The following TBC1D31 variants were observed in gnomAD, a reference collection of about 807,000 sequenced individuals.
The protein encoded by TBC1D31 is WD repeat domain 67.
A neutral mutation model predicts 132.9 loss-of-function variants in TBC1D31; 99 were observed. That is an observed-to-expected ratio of 0.74 (90% confidence interval 0.63 to 0.88). TBC1D31 has a LOEUF of 0.88. TBC1D31 is among the 40% of genes least tolerant of loss of function. The pLI, the probability that TBC1D31 is intolerant of heterozygous loss-of-function variation, is 0.00. For synonymous variants in TBC1D31, 385 were observed against 419.4 expected (o/e 0.92, Z 1.00); for missense variants, 1,134 against 1,256.6 (o/e 0.90, Z 1.48).
In TBC1D31 at chr8:123,144,834, G is replaced by T. The variant is rs111783539; in HGVS notation, c.2953G>T (p.Ala985Ser). The T allele has an allele frequency of 7.4e-4, 1,187 of 1,612,462 alleles. No individual in the cohort carries two copies. The highest frequency in any genetic ancestry group is 9.6e-4 in the Non-Finnish European group (1,127 of 1,179,646). The change falls in exon 20 of 22, where the codon GCT becomes TCT. Residue 985 changes from alanine to serine, a missense_variant. Coordinates refer to ENST00000287380, the MANE Select transcript of TBC1D31 (RefSeq NM_145647.4). The part of the protein sequence containing the change: ...KQEINAAVEH[A>S]ENPCHKEEPR... ...AGAGATAAATGCGGCTGTAGAACAT[G>T]CTGAAAATCCATGTCATAAAGGTGA...
At chr8:123,104,624 A>T (rs1020553457) in intron 7 of TBC1D31, among the ~76,000 whole-genome samples, 6 of 152,182 alleles carry the variant, frequency 3.9e-5, no homozygotes, top group Non-Finnish European at 8.8e-5. Context: ...AATATTGTTT[A>T]TGGAGAAAAT....
downstream of TBC1D31, chr8:123,152,186 C>G: frequency 3.0e-6 from 1 of 328,384 alleles, no homozygotes; most frequent in Non-Finnish European, 5.4e-6. Flanking sequence ...CAGGGACCAG[C>G]ATAAACCTCA....
At chr8:123,081,692 AG>A (rs372372220) in intron 2 of TBC1D31, among the ~76,000 whole-genome samples, 1 of 152,210 alleles carries the variant, frequency 6.6e-6, no homozygotes, top group African/African-American at 2.4e-5. Flanking sequence ...GTAGCTGGGG[AG>A]GCCTCACAAT....
chr8:123,076,051 G>T (rs1814479651), intron 1 of TBC1D31, among the ~76,000 whole-genome samples: 1 of 152,184 alleles, frequency 6.6e-6, no homozygotes, highest in African/African-American at 2.4e-5. Flanking sequence ...ATTACCTGCA[G>T]ACAGCTGCTG....
At chr8:123,083,187 C>T in intron 3 of TBC1D31, 1 of 162,324 alleles carries the variant, frequency 6.2e-6, no homozygotes, top group Non-Finnish European at 1.3e-5. Context: ...CTCAGGGATG[C>T]ATTGCCCTCT....
intron 4 of TBC1D31, 76 bp downstream of exon 4, chr8:123,084,416 T>C (rs1815503044): frequency 1.5e-6 from 2 of 1,362,436 alleles, no homozygotes. Context: ...ATAGATGATA[T>C]AAGAGTAATG....
In TBC1D31 at chr8:123,140,748, A is replaced by T. The variant is rs745824551; in HGVS notation, c.2500-13A>T. On this transcript the variant is annotated splice_polypyrimidine_tract_variant and intron_variant, in intron 17 of 21. Transcript: ENST00000287380. ...ATAAATTAGTGATTTTTTTTTACAA[A>T]TGATTTTAACAGAATCTTACTGAAA... 1.3e-6 allele frequency: 2 copies of T among 1,582,740 alleles called. No homozygotes were observed. Among genetic ancestry groups the T allele is most frequent in the East Asian group, 4.5e-5 (2 of 44,688 alleles).
intron 1 of TBC1D31, chr8:123,074,940 C>G (rs1231444023): frequency 6.6e-6 from 1 of 152,164 alleles, no homozygotes; most frequent in Non-Finnish European, 1.5e-5. Context: ...CTGTGAGAAT[C>G]TGAAAGGAAG....
chr8:123,087,911 G>C (rs576613546), intron 4 of TBC1D31, among the ~76,000 whole-genome samples: 1 of 152,206 alleles, frequency 6.6e-6, no homozygotes, highest in Non-Finnish European at 1.5e-5. Context: ...GACCGGGTAC[G>C]GGGGCTTACG....
At chr8:123,162,017 C>CAAAAAA in the TBC1D31 span, among the ~76,000 whole-genome samples, 4 of 76,116 alleles carry the variant, frequency 5.3e-5, no homozygotes, top group Non-Finnish European at 9.9e-5. Context: ...GAGTCCGACT[C>CAAAAAA]AAAAAAAAAA....
chr8:123,101,139 C>T, intron 7 of TBC1D31, 132 bp downstream of exon 7: 2 of 697,358 alleles, frequency 2.9e-6, no homozygotes, highest in Non-Finnish European at 4.7e-6. Context: ...TATTTTGTTG[C>T]TCTTACTCCC....
At chr8:123,133,744 G>C (rs1208416235) in intron 16 of TBC1D31, among the ~76,000 whole-genome samples, 1 of 152,128 alleles carries the variant, frequency 6.6e-6, no homozygotes, top group African/African-American at 2.4e-5. Flanking sequence ...AAGTAGAGAA[G>C]TTTAGTCAAA....
rs199814173 is a variant in TBC1D31 at position 123,129,148 on chromosome 8, C to T, written c.2200C>T (p.Arg734Cys). 2.4e-5 allele frequency: 38 copies of T among 1,606,584 alleles called. No homozygotes were observed. The African/African-American group carries it at 2.7e-4, about 11-fold the overall frequency. Residue 734 changes from arginine (R) to cysteine (C), a missense_variant, in exon 15 of 22, where the codon CGT becomes TGT. Physicochemically the swap from Arg to Cys is radical, Grantham distance 180. Coordinates refer to ENST00000287380, the MANE Select transcript of TBC1D31 (RefSeq NM_145647.4). ...TTGGTACCAGAAACAGGAGCTGCTTCGTAAAGCTGAAGAAACAAGAAGAGA... is the reference window on the plus strand; with the variant it reads ...TTGGTACCAGAAACAGGAGCTGCTTTGTAAAGCTGAAGAAACAAGAAGAGA... ...EAWYQKQELL[R>C]KAEETRREML...
chr8:123,123,840 C>T (rs1819735535), intron 11 of TBC1D31, among the ~76,000 whole-genome samples: 1 of 152,078 alleles, frequency 6.6e-6, no homozygotes, highest in Non-Finnish European at 1.5e-5. Flanking sequence ...AACACCCTAT[C>T]GAATGTCTTT....
intron 7 of TBC1D31, chr8:123,103,330 A>G (rs548574488): frequency 6.6e-6 from 1 of 152,234 alleles, no homozygotes; most frequent in South Asian, 2.1e-4. Context: ...TGTGCTATAT[A>G]TTAATAAATT....
intron 16 of TBC1D31, among the ~76,000 whole-genome samples, chr8:123,133,776 T>C (rs1274383908): frequency 6.6e-6 from 1 of 152,236 alleles, no homozygotes; most frequent in African/African-American, 2.4e-5. Flanking sequence ...ATAAATGTTA[T>C]ATTTTTATCT....
rs112314609 is a variant in TBC1D31, at chr8:123,072,876, G to A, written c.77+30G>A. The A allele has an allele frequency of 1.1e-3, 1,726 of 1,549,872 alleles. 18 individuals carry two copies. In the African/African-American group the frequency reaches 0.021, roughly 19 times the overall value. On this transcript the variant is annotated intron_variant, in intron 1 of 21. Coordinates refer to ENST00000287380, the MANE Select transcript of TBC1D31 (RefSeq NM_145647.4). ...AGGCCGTGGCGGGAGGGCGCGGGCT[G>A]TGGAGGGGATGGAGACCGGCGAGGA... is the stretch of plus-strand genomic sequence containing the variant.
chr8:123,093,316 T>A (rs1261650640), intron 4 of TBC1D31, among the ~76,000 whole-genome samples: 1 of 152,164 alleles, frequency 6.6e-6, no homozygotes, highest in Non-Finnish European at 1.5e-5. Flanking sequence ...AACTCTTTAG[T>A]AATATTAGGT....
chr8:123,081,345 C>T (rs925571273), intron 2 of TBC1D31, among the ~76,000 whole-genome samples: 3 of 151,892 alleles, frequency 2.0e-5, no homozygotes, highest in Admixed American at 6.6e-5. Context: ...TTGACTTAGA[C>T]CTACTTCTGC....
Sources: allele counts gnomAD v4.1 joint callset (sites outside exome capture counted in the v4.1 genomes callset), GRCh38; gene constraint gnomAD v4.1.1; transcripts MANE v1.5; gene names NCBI Gene and HGNC (gene_info 2026-07-23, HGNC 2026-07-21).